CA5A: variants seen among roughly 807,000 people sequenced by gnomAD.
The protein encoded by CA5A is carbonic anhydrase 5A.
A neutral mutation model predicts 37.1 loss-of-function variants in CA5A; 28 were observed. That is an observed-to-expected ratio of 0.75 (90% confidence interval 0.56 to 1.03). The LOEUF (loss-of-function observed/expected upper bound fraction) is 1.03. Ranked by LOEUF, CA5A falls within the 50% of genes least tolerant of loss-of-function variation. CA5A has a pLI of 0.00. For synonymous variants in CA5A, 171 were observed against 158.4 expected (o/e 1.08, Z -0.60); for missense variants, 444 against 399.9 (o/e 1.11, Z -0.94).
At chr16:87,933,456 A>C (rs374811889) in intron 1 of CA5A, among the ~76,000 whole-genome samples, 1 of 152,184 alleles carries the variant, frequency 6.6e-6, no homozygotes, top group East Asian at 1.9e-4. Context: ...GGCTCACTGC[A>C]GCCTGAAATT....
intron 2 of CA5A, among the ~76,000 whole-genome samples, chr16:87,916,472 G>C (rs1244491598): frequency 6.6e-6 from 1 of 152,194 alleles, no homozygotes; most frequent in Non-Finnish European, 1.5e-5. Context: ...CTTGGGTCCA[G>C]TGGGGTCTTT....
chr16:87,934,535 C>T (rs1345389965), intron 1 of CA5A, among the ~76,000 whole-genome samples: 6 of 152,142 alleles, frequency 3.9e-5, no homozygotes, highest in Non-Finnish European at 8.8e-5. Context: ...CACCACTGCG[C>T]TCCAGCCTGG....
At chr16:87,890,332 C>A (rs1328861521) in intron 6 of CA5A, among the ~76,000 whole-genome samples, 2 of 152,154 alleles carry the variant, frequency 1.3e-5, no homozygotes, top group African/African-American at 4.8e-5. Flanking sequence ...GCATAAGGGC[C>A]TTGCTGACAA....
intron 2 of CA5A, among the ~76,000 whole-genome samples, chr16:87,906,980 G>A (rs1167894063): frequency 1.3e-5 from 2 of 152,144 alleles, no homozygotes; most frequent in Non-Finnish European, 2.9e-5. Context: ...ACTTTGGGAG[G>A]CCAAGGCGGG....
intron 2 of CA5A, among the ~76,000 whole-genome samples, chr16:87,906,730 G>A (rs2055967144): frequency 6.6e-6 from 1 of 152,196 alleles, no homozygotes; most frequent in Admixed American, 6.5e-5. Flanking sequence ...GCTGGACCAA[G>A]CCACAGAGCT....
chr16:87,890,479 C>T (rs1418756595), intron 6 of CA5A, among the ~76,000 whole-genome samples: 2 of 152,190 alleles, frequency 1.3e-5, no homozygotes, highest in Non-Finnish European at 2.9e-5. Flanking sequence ...AGTCGCGCTG[C>T]GACTGCTGAG....
chr16:87,898,798 G>C (rs1282226780), intron 5 of CA5A, among the ~76,000 whole-genome samples: 1 of 145,108 alleles, frequency 6.9e-6, no homozygotes, highest in Non-Finnish European at 1.5e-5. Context: ...GCAGTGGCAC[G>C]ATCTCGGCTC....
chr16:87,934,891 C>T (rs2056450607), intron 1 of CA5A, among the ~76,000 whole-genome samples: 1 of 152,016 alleles, frequency 6.6e-6, no homozygotes, highest in Admixed American at 6.5e-5. Context: ...ACCCAGGAGG[C>T]AGAGGCTGCA....
chr16:87,895,875 C>A (rs2055795018), intron 5 of CA5A, among the ~76,000 whole-genome samples: 1 of 152,214 alleles, frequency 6.6e-6, no homozygotes, highest in African/African-American at 2.4e-5. Context: ...TATCTCACTG[C>A]ATGGTCTAGC....
At chr16:87,908,816 CTGCTTT>C (rs2056004679) in intron 2 of CA5A, among the ~76,000 whole-genome samples, 2 of 151,916 alleles carry the variant, frequency 1.3e-5, no homozygotes, top group Admixed American at 1.3e-4. Flanking sequence ...CCTTCTTCTT[CTGCTTT>C]TTCTTCTTTT....
At chr16:87,896,130 C>T (rs1159854513) in intron 5 of CA5A, among the ~76,000 whole-genome samples, 1 of 152,246 alleles carries the variant, frequency 6.6e-6, no homozygotes, top group Non-Finnish European at 1.5e-5. Context: ...TTCTAGTTTA[C>T]TGATGAAGAT....
chr16:87,892,927 G>A (rs774998102), intron 5 of CA5A: 12 of 671,130 alleles, frequency 1.8e-5, no homozygotes, highest in Non-Finnish European at 3.0e-5. Context: ...AAGTGCTGGG[G>A]TGAGCCACTG....
intron 5 of CA5A, chr16:87,893,063 G>A: frequency 9.2e-7 from 1 of 1,084,386 alleles, no homozygotes; most frequent in Non-Finnish European, 1.4e-6. Context: ...AGGCCATGCA[G>A]TCTCTCAAGC....
At chr16:87,882,003 A>C (rs116335658) in intron 4 of CA5A, 2 of 152,228 alleles carry the variant, frequency 1.3e-5, no homozygotes, top group East Asian at 1.9e-4. Flanking sequence ...CTTGTTGGAC[A>C]CGATGTCAAC....
At chr16:87,922,211 A>C (rs766815241) in intron 2 of CA5A, among the ~76,000 whole-genome samples, 1 of 151,988 alleles carries the variant, frequency 6.6e-6, no homozygotes, top group African/African-American at 2.4e-5. Context: ...GCCCCCCATA[A>C]AATTAGCATT....
At position 87,888,043 on chromosome 16, in the gene CA5A, G is replaced by T; in HGVS notation, c.*86C>A. 1 of 1,503,176 alleles carries T rather than the reference G, an allele frequency of 6.7e-7. No individual in the cohort carries two copies. The allele number at this position is 1,503,176 out of a possible 1,614,324, so 93.1% of individuals were successfully genotyped here. ...TCATGCTCTCTTTTTAATTTCAGAA[G>T]TCATGTACAATCACATTGTGAAACT... On this transcript the variant is annotated 3_prime_UTR_variant, in exon 7 of 7. Transcript: ENST00000649794.
At chr16:87,924,741 C>G (rs374259407) in intron 2 of CA5A, among the ~76,000 whole-genome samples, 1 of 152,244 alleles carries the variant, frequency 6.6e-6, no homozygotes, top group African/African-American at 2.4e-5. Context: ...ATGCTGCCTC[C>G]GCATGCACAG....
intron 2 of CA5A, among the ~76,000 whole-genome samples, chr16:87,912,131 G>A (rs1220715516): frequency 6.6e-6 from 1 of 152,036 alleles, no homozygotes; most frequent in African/African-American, 2.4e-5. Context: ...GTGAAACCCC[G>A]TCTCTACTAA....
intron 5 of CA5A, among the ~76,000 whole-genome samples, chr16:87,898,736 T>C (rs2055836531): frequency 6.7e-6 from 1 of 149,830 alleles, no homozygotes; most frequent in African/African-American, 2.5e-5. Flanking sequence ...TGGATTTTTT[T>C]TTTTTTTTTT....
Sources: gnomAD v4.1 joint callset for allele counts (sites outside exome capture counted in the v4.1 genomes callset) on GRCh38, gnomAD v4.1.1 for gene constraint, MANE v1.5 for transcripts, NCBI Gene and HGNC (gene_info 2026-07-23, HGNC 2026-07-21) for gene names.